The following RARG variants were observed in gnomAD, a reference collection of about 807,000 sequenced individuals.
The protein encoded by RARG is RAR-gamma.
Under a neutral mutation model 43.7 loss-of-function variants are expected in RARG, and 17 were observed. The ratio of observed to expected loss-of-function variants is 0.39; its 90% CI spans 0.27 to 0.58. RARG has a LOEUF of 0.58. RARG is among the 20% of genes least tolerant of loss of function. The pLI is 0.57. For missense variants in RARG, 346 were observed against 598.7 expected (o/e 0.58, Z 4.40); for synonymous variants, 238 against 236.4 (o/e 1.01, Z -0.06).
intron 3 of RARG, chr12:53,220,451 T>G: frequency 3.8e-6 from 3 of 783,862 alleles, no homozygotes; most frequent in Middle Eastern, 8.1e-4. Flanking sequence ...TGAGCAAAGC[T>G]GAGAGTGGAG....
In RARG at chr12:53,215,618, C is replaced by T. The variant is rs371621098; in HGVS notation, c.333+28G>A. 7.6e-5 allele frequency: 121 copies of T among 1,601,070 alleles called. No individual in the cohort carries two copies. Among genetic ancestry groups the T allele is most frequent in the African/African-American group, 2.9e-4 (22 of 74,906 alleles). Reference sequence around the variant, plus strand: ...ATCTTACTAGGGTAACTGGATCCCCCGTCTGCCCACTCCCACCACGTACAC... The same window carrying T: ...ATCTTACTAGGGTAACTGGATCCCCTGTCTGCCCACTCCCACCACGTACAC... On this transcript the variant is annotated intron_variant, in intron 4 of 9. Coordinates refer to ENST00000425354, the MANE Select transcript of RARG (RefSeq NM_000966.6). This position sits in a 1 kb window ranked among gnomAD's most constrained non-coding sequence, Gnocchi z 6.4.
intron 3 of RARG, among the ~76,000 whole-genome samples, chr12:53,218,686 C>CA (rs35433505): frequency 0.089 from 13,162 of 147,344 alleles, 638 homozygotes; most frequent in Non-Finnish European, 0.11. Flanking sequence ...GCTCTGGAAC[C>CA]AAAAAAAAAA....
chr12:53,219,384 T>C (rs1942881775), intron 3 of RARG, among the ~76,000 whole-genome samples: 1 of 152,032 alleles, frequency 6.6e-6, no homozygotes, highest in Non-Finnish European at 1.5e-5. Flanking sequence ...CACAGCACTT[T>C]CCAAAACCGC....
rs921262923 is a variant in RARG, at chr12:53,212,779, C to T, written c.1177+306G>A. On this transcript the variant is annotated intron_variant, in intron 9 of 9. Transcript: ENST00000425354. The stretch of plus-strand genomic sequence containing the variant: ...ACACACACACACACACACACACACA[C>T]ATACTTGGAATTGTGCTGAATTAAA... 1.1e-4 allele frequency among the ~76,000 whole-genome samples: 16 copies of T among 144,776 alleles called. No homozygotes were observed. In the East Asian group the frequency reaches 1.5e-3, roughly 13 times the overall value. 95.0% of individuals were successfully genotyped at this position (144,776 alleles called of 152,430 possible).
intron 2 of RARG, among the ~76,000 whole-genome samples, chr12:53,230,780 T>A (rs1329444697): frequency 6.7e-5 from 7 of 104,624 alleles, no homozygotes; most frequent in Non-Finnish European, 1.4e-4. Flanking sequence ...GGTGGGGGTG[T>A]GCCGGGGTGT....
In RARG at chr12:53,213,249, G is replaced by C; in HGVS notation, c.1019-6C>G. 1.3e-6 allele frequency: 2 copies of C among 1,565,642 alleles called. No individual in the cohort carries two copies. The highest frequency in any genetic ancestry group is 1.4e-5 in the African/African-American group (1 of 73,798). ...CTCCTCCAGGTCCATGCGGTCTATG[G>C]GGACAAGTATACTGGAGTGAGAGGG... On this transcript the variant is annotated splice_region_variant and splice_polypyrimidine_tract_variant and intron_variant, in intron 8 of 9. Transcript: ENST00000425354. This position sits in a 1 kb window ranked among gnomAD's most constrained non-coding sequence, Gnocchi z 4.7.
chr12:53,214,662 G>A (rs1942707598), intron 5 of RARG, 56 bp from the exon 6 acceptor site: 3 of 1,504,134 alleles, frequency 2.0e-6, no homozygotes, highest in Admixed American at 2.0e-5. Context: ...CCCTTTGGGT[G>A]TCCTCTCTCA....
chr12:53,229,307 G>C (rs1943177365), intron 2 of RARG, among the ~76,000 whole-genome samples: 1 of 152,148 alleles, frequency 6.6e-6, no homozygotes, highest in Non-Finnish European at 1.5e-5. Context: ...TTGCTTCTAG[G>C]ATGTATAGCT....
Position 53,227,809 on chromosome 12 carries a change from CT to C in RARG, c.-142-123del. The C allele has an allele frequency of 1.4e-6, 1 of 715,248 alleles. No homozygotes were observed. The highest frequency in any genetic ancestry group is 1.9e-6 in the Non-Finnish European group (1 of 523,904). 44.3% of individuals were successfully genotyped at this position (715,248 alleles called of 1,614,324 possible). A position where few individuals can be genotyped will look rare whatever the true frequency, so the allele number is the denominator to read the frequency against. On this transcript the variant is annotated intron_variant, in intron 2 of 9. Transcript: ENST00000425354. The surrounding 1 kb of genome is among the most constrained non-coding windows in gnomAD (Gnocchi z 4.3). The stretch of plus-strand genomic sequence containing the variant: ...GCTGCTACAGTTTATCCTGCCCTGG[CT>C]CAGGGCCCTTGCAGTGTGGTAGAGA...
chr12:53,220,166 CTCCCCCGGCGGCGCCCCG>C (rs757001999), intron 3 of RARG: 297 of 1,550,026 alleles, frequency 1.9e-4, no homozygotes, highest in Middle Eastern at 1.3e-3. Context: ...ATTCCCCCTC[CTCCCCCGGCGGCGCCCCG>C]CTCCAGCAGG....
Position 53,211,942 on chromosome 12 carries a change from A to C in RARG, c.1178-79T>G. The stretch of plus-strand genomic sequence containing the variant: ...TAAGGCCATCTCCCTAACCTTTCTC[A>C]ACTGCCCCTGACTCCCCTAGGGGGC... On this transcript the variant is annotated intron_variant, in intron 9 of 9. Transcript: ENST00000425354. This position sits in a 1 kb window ranked among gnomAD's most constrained non-coding sequence, Gnocchi z 4.6. The C allele has an allele frequency of 1.2e-4, 139 of 1,188,930 alleles. No homozygotes were observed. Among genetic ancestry groups the C allele is most frequent in the Non-Finnish European group, 1.4e-4 (126 of 908,134 alleles). The allele number at this position is 1,188,930 out of a possible 1,614,324, so 73.6% of individuals were successfully genotyped here.
At position 53,213,709 on chromosome 12, in the gene RARG, G is replaced by A. The variant is rs180695718; in HGVS notation, c.814-9C>T. On this transcript the variant is annotated splice_polypyrimidine_tract_variant and intron_variant, in intron 7 of 9. Transcript: ENST00000425354. This position sits in a 1 kb window ranked among gnomAD's most constrained non-coding sequence, Gnocchi z 4.7. ...GTGCAGATACGCAGCATCTGGAGGTGGGGGGTGGAGGAGGGTTAGTGCTGT... is the reference window on the plus strand; with the variant it reads ...GTGCAGATACGCAGCATCTGGAGGTAGGGGGTGGAGGAGGGTTAGTGCTGT... 184 of 1,602,636 alleles carry A rather than the reference G, an allele frequency of 1.1e-4. 1 individual carries two copies. The African/African-American group carries it at 2.2e-3, about 19-fold the overall frequency.
chr12:53,212,945 A>G, intron 9 of RARG, 140 bp downstream of exon 9: 1 of 1,065,008 alleles, frequency 9.4e-7, no homozygotes, highest in Non-Finnish European at 1.3e-6. Flanking sequence ...GTCTCCCACT[A>G]CTATGTGGCA....
intron 3 of RARG, among the ~76,000 whole-genome samples, chr12:53,221,080 G>A (rs963251903): frequency 1.3e-5 from 2 of 151,792 alleles, no homozygotes; most frequent in African/African-American, 4.8e-5. Flanking sequence ...CCCTCGGGGC[G>A]GGTGGCCGAG....
rs1183267673 is a variant in RARG at position 53,210,661 on chromosome 12, C to G, written c.*1015G>C. 6.6e-6 allele frequency: 1 copy of G among 152,554 alleles called. No homozygotes were observed. The highest frequency in any genetic ancestry group is 1.5e-5 in the Non-Finnish European group (1 of 68,026). The allele number at this position is 152,554 out of a possible 1,614,324, so 9.5% of individuals were successfully genotyped here. On this transcript the variant is annotated 3_prime_UTR_variant, in exon 10 of 10. Coordinates refer to ENST00000425354, the MANE Select transcript of RARG (RefSeq NM_000966.6). ...GGAGATGTAAACAGAGGGGAGGGGA[C>G]AGCACCCTGACCCCCCAAGAGAACA...
In RARG at chr12:53,214,469, A is replaced by G. The variant is rs1942700361; in HGVS notation, c.613T>C (p.Cys205Arg). The G allele has an allele frequency of 1.9e-6, 3 of 1,613,312 alleles. No individual in the cohort carries two copies. In the East Asian group the frequency reaches 6.7e-5, roughly 36 times the overall value. ...KAHQETFPSLCQLGKYTTNSS... is the reference protein window; with the variant it reads ...KAHQETFPSLRQLGKYTTNSS... ...ACCGTGGTATACTTGCCCAGCTGGC[A>G]GAGCGAGGGGAAAGTCTCCTGATGG... Residue 205 changes from cysteine (C) to arginine (R), a missense_variant, in exon 6 of 10, where the codon TGC (cysteine) becomes CGC (arginine). Cys to Arg is a radical substitution (Grantham distance 180, BLOSUM62 -3). This residue lies in a region of RARG where 67 missense variants were observed against 79.6 expected (regional missense o/e 0.84). Coordinates refer to ENST00000425354, the MANE Select transcript of RARG (RefSeq NM_000966.6).
intron 3 of RARG, chr12:53,220,012 G>A: frequency 1.3e-6 from 2 of 1,525,662 alleles, no homozygotes; most frequent in Non-Finnish European, 1.8e-6. Context: ...GGAGCCGCCG[G>A]TGGCTCTGCG....
In RARG at chr12:53,211,591, C is replaced by T. The variant is rs1942589169; in HGVS notation, c.*85G>A. Reference sequence around the variant, plus strand: ...GGGTGGGGAGAGGGCAGAGCAGGTCCTCCCCCAGTCACTGGCGGTCTGGGA... The same window carrying T: ...GGGTGGGGAGAGGGCAGAGCAGGTCTTCCCCCAGTCACTGGCGGTCTGGGA... On this transcript the variant is annotated 3_prime_UTR_variant, in exon 10 of 10. Coordinates refer to ENST00000425354, the MANE Select transcript of RARG (RefSeq NM_000966.6). The surrounding 1 kb of genome is among the most constrained non-coding windows in gnomAD (Gnocchi z 4.6). 12 of 1,243,864 alleles carry T rather than the reference C, an allele frequency of 9.6e-6. No homozygotes were observed. The highest frequency in any genetic ancestry group is 1.3e-5 in the Non-Finnish European group (12 of 949,964). The allele number at this position is 1,243,864 out of a possible 1,614,324, so 77.1% of individuals were successfully genotyped here.
chr12:53,220,830 T>G (rs961677880), intron 3 of RARG, among the ~76,000 whole-genome samples: 1 of 152,140 alleles, frequency 6.6e-6, no homozygotes, highest in Non-Finnish European at 1.5e-5. Context: ...TAAGGATGAC[T>G]GGGGAGAGGG....
Sources: gnomAD v4.1 joint callset for allele counts (sites outside exome capture counted in the v4.1 genomes callset) on GRCh38, gnomAD v4.1.1 for gene constraint, gnomAD v4.1.1 regional missense constraint, Gnocchi (gnomAD v3.1) non-coding constraint, MANE v1.5 for transcripts, NCBI Gene and HGNC (gene_info 2026-07-23, HGNC 2026-07-21) for gene names.